The following SLTM variants were observed in gnomAD, a reference collection of about 807,000 sequenced individuals.
SLTM encodes the protein SAFB like transcription modulator, also known as SAFB-like transcription modulator.
SLTM carries 43 observed loss-of-function variants against 134.6 expected under a neutral mutation model. The ratio of observed to expected loss-of-function variants is 0.32; its 90% CI spans 0.25 to 0.41. SLTM has a LOEUF of 0.41. Ranked by LOEUF, SLTM falls within the 10% of genes least tolerant of loss-of-function variation. SLTM has a pLI of 1.00. For missense variants in SLTM, 1,055 were observed against 1,288.8 expected, an observed-to-expected ratio of 0.82 and a Z score of 2.78; for synonymous variants, 424 against 432.3, an observed-to-expected ratio of 0.98 and a Z score of 0.24.
At chr15:58,916,176 CTCT>C (rs775824957) in intron 3 of SLTM, among the ~76,000 whole-genome samples, 2 of 89,594 alleles carry the variant, frequency 2.2e-5, no homozygotes, top group South Asian at 3.0e-4. Flanking sequence ...CTCTCTCTCT[CTCT>C]TTTTTTTTTT....
chr15:58,902,238 G>T (rs1256832834), intron 5 of SLTM, among the ~76,000 whole-genome samples: 1 of 151,994 alleles, frequency 6.6e-6, no homozygotes, highest in Non-Finnish European at 1.5e-5. Context: ...AAAAATTAAA[G>T]AATCATTTTA....
intron 5 of SLTM, among the ~76,000 whole-genome samples, chr15:58,911,692 T>C (rs187213259): frequency 3.9e-5 from 6 of 152,350 alleles, no homozygotes; most frequent in East Asian, 1.9e-4. Context: ...AACTGATCTA[T>C]AGATGTCTGC....
intron 16 of SLTM, 108 bp from the exon 17 acceptor site, chr15:58,888,663 C>A: frequency 9.7e-7 from 1 of 1,033,462 alleles, no homozygotes; most frequent in Non-Finnish European, 1.4e-6. Flanking sequence ...CATAACAGGG[C>A]TAGTAAACTC....
intron 1 of SLTM, 21 bp downstream of exon 1, chr15:58,933,383 C>T: frequency 1.3e-6 from 2 of 1,568,302 alleles, no homozygotes; most frequent in East Asian, 2.5e-5. Context: ...CCGGTCCTTT[C>T]CGGTCCTCGC....
At chr15:58,887,588 G>C in intron 17 of SLTM, 48 bp from the exon 18 acceptor site, 1 of 1,547,658 alleles carries the variant, frequency 6.5e-7, no homozygotes, top group Admixed American at 2.1e-5. Context: ...GCTTACTTGA[G>C]TGCTTAATTC....
In SLTM at chr15:58,893,850, A is replaced by T; in HGVS notation, c.1619T>A (p.Ile540Asn). 6.2e-7 allele frequency: 1 copy of T among 1,610,676 alleles called. No individual in the cohort carries two copies. Among genetic ancestry groups the T allele is most frequent in the Non-Finnish European group, 8.5e-7 (1 of 1,179,308 alleles). ...NGASGQTSESIKKSEEKKRIS... is the reference protein window; with the variant it reads ...NGASGQTSESNKKSEEKKRIS... ...TCGCTTCTTTTCTTCACTTTTTTTA[A>T]TCGATTCTGATGTTTGGCCACTTGC... Residue 540 changes from isoleucine (I) to asparagine (N), a missense_variant, in exon 12 of 21, where the codon ATT becomes AAT. Ile to Asn is a moderately radical substitution (Grantham distance 149, BLOSUM62 -3). Transcript: ENST00000380516.
At position 58,883,778 on chromosome 15, in the gene SLTM, A is replaced by AG. The variant is rs1164162735; in HGVS notation, c.2843dup (p.Glu949Ter). The AG allele has an allele frequency of 6.2e-7, 1 of 1,614,014 alleles. No individual in the cohort carries two copies. The highest frequency in any genetic ancestry group is 1.1e-5 in the South Asian group (1 of 91,072). On this transcript the variant is annotated frameshift_variant, in exon 20 of 21. Transcript: ENST00000380516. LOFTEE classifies it high-confidence loss of function. ...GGCGTTCAACCACATGTCGCTCCTC[A>AG]GGATAGTGCTAAAAGAATAGCATAT...
At chr15:58,889,610 G>C (rs1181171939) in intron 15 of SLTM, 56 bp from the exon 16 acceptor site, 56 of 1,601,584 alleles carry the variant, frequency 3.5e-5, no homozygotes, top group Non-Finnish European at 4.5e-5. Context: ...CATAAGATAA[G>C]TATACATGCA....
Position 58,933,610 on chromosome 15 carries a change from G to A in SLTM, c.-45C>T. 1 of 1,506,496 alleles carries A rather than the reference G, an allele frequency of 6.6e-7. No individual in the cohort carries two copies. The highest frequency in any genetic ancestry group is 8.9e-7 in the Non-Finnish European group (1 of 1,127,908). The allele number at this position is 1,506,496 out of a possible 1,614,324, so 93.3% of individuals were successfully genotyped here. On this transcript the variant is annotated 5_prime_UTR_variant, in exon 1 of 21. Coordinates refer to ENST00000380516, the MANE Select transcript of SLTM (RefSeq NM_024755.4). The stretch of plus-strand genomic sequence containing the variant: ...GCCGAGGCAGCGAGTGGGCTGCAGG[G>A]CGGCGGCAGCAGCGCCAACTTCCAC...
chr15:58,887,033 C>G lies in SLTM; in HGVS notation c.2777G>C (p.Gly926Ala). The G allele has an allele frequency of 6.2e-7, 1 of 1,613,434 alleles. No homozygotes were observed. Among genetic ancestry groups the G allele is most frequent in the African/African-American group, 1.3e-5 (1 of 75,010 alleles). ...APPGNRSSAS[G>A]YGSREGDRGV... is the part of the protein sequence containing the mutation. ...TCTGTCTCCCTCTCTGCTCCCGTAC[C>G]CCGAAGCGCTGCTACGATTCCCAGG... Residue 926 changes from glycine (G) to alanine (A), a missense_variant, in exon 19 of 21, where the codon GGG becomes GCG. This residue lies in a region of SLTM where 776 missense variants were observed against 962.2 expected (regional missense o/e 0.81). Transcript: ENST00000380516.
Position 58,890,545 on chromosome 15 carries a change from G to A in SLTM, c.1899-84C>T. The A allele has an allele frequency of 2.2e-6, 3 of 1,390,814 alleles. No homozygotes were observed. The East Asian group carries it at 7.1e-5, about 33-fold the overall frequency. 86.2% of individuals were successfully genotyped at this position (1,390,814 alleles called of 1,614,324 possible). ...TAGCTTTGAATTTGAATTTTTCCTT[G>A]AGGTTGGCAATTTTAAATTTCAACT... On this transcript the variant is annotated intron_variant, in intron 14 of 20. Transcript: ENST00000380516.
At chr15:58,918,509 T>C (rs1347618203) in intron 2 of SLTM, among the ~76,000 whole-genome samples, 1 of 152,210 alleles carries the variant, frequency 6.6e-6, no homozygotes, top group Non-Finnish European at 1.5e-5. Context: ...TGCTAGTCCT[T>C]CCAAGTATGT....
chr15:58,911,281 C>T (rs530623385), intron 5 of SLTM, among the ~76,000 whole-genome samples: 13 of 152,272 alleles, frequency 8.5e-5, no homozygotes, highest in African/African-American at 3.1e-4. Context: ...GAAAAGAAAG[C>T]ATGCTGAGAC....
chr15:58,912,895 C>A, intron 4 of SLTM: 1 of 291,998 alleles, frequency 3.4e-6, no homozygotes, highest in South Asian at 5.9e-5. Context: ...ACTCCTTAAC[C>A]CACTGACTTT....
At chr15:58,882,181 C>CAAAAAAAAAACAA (rs2033780068) in intron 20 of SLTM, among the ~76,000 whole-genome samples, 1 of 59,526 alleles carries the variant, frequency 1.7e-5, no homozygotes, top group East Asian at 7.1e-4. Flanking sequence ...GACTCTGTCT[C>CAAAAAAAAAACAA]AAAAAAAAAA....
intron 11 of SLTM, 39 bp downstream of exon 11, chr15:58,894,051 T>A: frequency 6.3e-7 from 1 of 1,596,390 alleles, no homozygotes. Context: ...AAAAAGTCTA[T>A]CTGCTTATCA....
intron 2 of SLTM, among the ~76,000 whole-genome samples, chr15:58,927,709 G>A (rs1442999162): frequency 1.3e-5 from 2 of 152,162 alleles, no homozygotes; most frequent in African/African-American, 4.8e-5. Context: ...GAAAAACTAT[G>A]TCCTGGCCTT....
In SLTM at chr15:58,888,450, G is replaced by C; in HGVS notation, c.2310C>G (p.Asp770Glu). The change falls in exon 17 of 21, where the codon GAC becomes GAG. Residue 770 changes from aspartate to glutamate, a missense_variant. This residue lies in a region of SLTM where 776 missense variants were observed against 962.2 expected (regional missense o/e 0.81). Transcript: ENST00000380516. The stretch of plus-strand genomic sequence containing the variant: ...ACCTGCCCCTCTCTCGGTGATCAAA[G>C]TCATTAAATCTGTTCTGTTGGCGAG... The part of the protein sequence containing the change: ...DYSRQQNRFN[D>E]FDHRERGRFP... 6.2e-7 allele frequency: 1 copy of C among 1,613,818 alleles called. No individual in the cohort carries two copies. The highest frequency in any genetic ancestry group is 1.6e-4 in the Middle Eastern group (1 of 6,062).
intron 2 of SLTM, among the ~76,000 whole-genome samples, chr15:58,918,647 T>C (rs1178983907): frequency 6.6e-6 from 1 of 152,190 alleles, no homozygotes; most frequent in African/African-American, 2.4e-5. Flanking sequence ...ATGTTGACGT[T>C]TGCATTTTGG....
Sources: gnomAD v4.1 joint callset for allele counts (sites outside exome capture counted in the v4.1 genomes callset) on GRCh38, gnomAD v4.1.1 for gene constraint, gnomAD v4.1.1 regional missense constraint, MANE v1.5 for transcripts, NCBI Gene and HGNC (gene_info 2026-07-23, HGNC 2026-07-21) for gene names.